TBC1D1: variants seen among roughly 807,000 people sequenced by gnomAD.
TBC1D1 encodes TBC1 domain family member 1, also known as TBC1 (tre-2/USP6, BUB2, cdc16) domain family, member 1.
Under a neutral mutation model 125.6 loss-of-function variants are expected in TBC1D1, and 89 were observed. The ratio of observed to expected loss-of-function variants is 0.71; its 90% CI spans 0.60 to 0.85. The LOEUF (loss-of-function observed/expected upper bound fraction) is 0.85. TBC1D1 is among the 40% of genes least tolerant of loss of function. The pLI is 0.00. For synonymous variants in TBC1D1, 565 were observed against 564.1 expected, an observed-to-expected ratio of 1.00 and a Z score of -0.02; for missense variants, 1,377 against 1,469.2, an observed-to-expected ratio of 0.94 and a Z score of 1.03.
intron 17 of TBC1D1, among the ~76,000 whole-genome samples, chr4:38,121,661 C>T (rs573536714): frequency 1.4e-3 from 213 of 152,274 alleles, no homozygotes; most frequent in Non-Finnish European, 2.7e-3. Context: ...AAATGCAGGA[C>T]ATTTGCTCAC....
intron 2 of TBC1D1, among the ~76,000 whole-genome samples, chr4:37,915,445 G>A (rs901022673): frequency 3.3e-5 from 5 of 152,270 alleles, no homozygotes; most frequent in East Asian, 1.9e-4. Context: ...TCTGTGAGCC[G>A]GGAGAACCAA....
At chr4:38,126,101 A>T (rs542239625) in intron 18 of TBC1D1, among the ~76,000 whole-genome samples, 1 of 152,334 alleles carries the variant, frequency 6.6e-6, no homozygotes, top group East Asian at 1.9e-4. Context: ...ACACCTACAC[A>T]TGTTGTTCCT....
intron 2 of TBC1D1, among the ~76,000 whole-genome samples, chr4:37,910,129 T>C (rs939168936): frequency 2.0e-5 from 3 of 152,184 alleles, no homozygotes; most frequent in African/African-American, 7.2e-5. Context: ...GTTTTACACA[T>C]ATGACTTTAT....
intron 15 of TBC1D1, among the ~76,000 whole-genome samples, chr4:38,112,791 G>T (rs644418): frequency 5.3e-5 from 8 of 152,032 alleles, no homozygotes; most frequent in African/African-American, 1.2e-4. Flanking sequence ...GAGCAGAACT[G>T]GAGGCCAGTG....
In TBC1D1 at chr4:38,107,601, T is replaced by TTTTTG. The variant is rs61499918; in HGVS notation, c.2557+4444_2557+4445insTTTTG. Among the ~76,000 whole-genome samples the TTTTTG allele has an allele frequency of 1.8e-3, 238 of 131,724 alleles. 1 individual carries two copies. The highest frequency in any genetic ancestry group is 0.014 in the East Asian group (43 of 2,998). 86.4% of individuals were successfully genotyped at this position (131,724 alleles called of 152,430 possible). A position where few individuals can be genotyped will look rare whatever the true frequency, so the allele number is the denominator to read the frequency against. ...GGTTTTTTTTTTTTTTTTTTTTTTT[T>TTTTTG]GGCAATGTGTTTTCCTCCAAAGAGT... On this transcript the variant is annotated intron_variant, in intron 15 of 19. Transcript: ENST00000261439.
intron 12 of TBC1D1, among the ~76,000 whole-genome samples, chr4:38,089,551 G>A (rs1560767615): frequency 6.6e-6 from 1 of 152,302 alleles, no homozygotes; most frequent in East Asian, 1.9e-4. Flanking sequence ...TTAGAGTTTT[G>A]TGAGTGTAAA....
At chr4:38,120,665 G>A (rs975376910) in intron 17 of TBC1D1, among the ~76,000 whole-genome samples, 1 of 152,200 alleles carries the variant, frequency 6.6e-6, no homozygotes, top group African/African-American at 2.4e-5. Flanking sequence ...TGCCAGTGAT[G>A]TGTGCGCCTT....
At chr4:37,980,158 T>C (rs1157535205) in intron 2 of TBC1D1, among the ~76,000 whole-genome samples, 1 of 152,176 alleles carries the variant, frequency 6.6e-6, no homozygotes, top group Non-Finnish European at 1.5e-5. Flanking sequence ...TTTCATGATG[T>C]AGGAATAAAG....
chr4:37,902,018 G>A lies in TBC1D1; in HGVS notation c.-78G>A, dbSNP rs1423058430. 4 of 1,409,058 alleles carry A rather than the reference G, an allele frequency of 2.8e-6. No individual in the cohort carries two copies. The highest frequency in any genetic ancestry group is 2.9e-5 in the African/African-American group (2 of 69,250). 87.3% of individuals were successfully genotyped at this position (1,409,058 alleles called of 1,614,324 possible). On this transcript the variant is annotated 5_prime_UTR_variant, in exon 2 of 20. It adds an upstream start codon to the 5' untranslated region. Coordinates refer to ENST00000261439, the MANE Select transcript of TBC1D1 (RefSeq NM_015173.4). ...TCTCCCCCAGGTTTCTGCATATGAAGTGTGTAAAATAGATTGCTTGATCCA... is the reference window on the plus strand; with the variant it reads ...TCTCCCCCAGGTTTCTGCATATGAAATGTGTAAAATAGATTGCTTGATCCA...
intron 10 of TBC1D1, among the ~76,000 whole-genome samples, chr4:38,048,541 C>CT (rs545432990): frequency 0.039 from 5,096 of 131,774 alleles, 165 homozygotes; most frequent in East Asian, 0.12. Context: ...AAACACATTT[C>CT]TTTTTTTTTT....
chr4:38,011,747 A>G (rs1195773386), intron 2 of TBC1D1, among the ~76,000 whole-genome samples: 2 of 152,238 alleles, frequency 1.3e-5, no homozygotes, highest in African/African-American at 4.8e-5. Flanking sequence ...GTCTTTGACT[A>G]AAGTGTGTCT....
intron 2 of TBC1D1, among the ~76,000 whole-genome samples, chr4:37,987,326 CTG>C (rs1267534793): frequency 8.0e-5 from 12 of 150,364 alleles, no homozygotes; most frequent in Admixed American, 4.6e-4. Flanking sequence ...TATGAAGAAA[CTG>C]AAATTCAGAA....
At chr4:38,046,395 C>T (rs1749483328) in intron 10 of TBC1D1, among the ~76,000 whole-genome samples, 1 of 151,174 alleles carries the variant, frequency 6.6e-6, no homozygotes, top group African/African-American at 2.4e-5. Flanking sequence ...AGTAGATTTT[C>T]CTATTAAAAA....
At chr4:38,131,827 C>T (rs1318529430) in intron 18 of TBC1D1, among the ~76,000 whole-genome samples, 2 of 152,172 alleles carry the variant, frequency 1.3e-5, no homozygotes, top group Non-Finnish European at 2.9e-5. Flanking sequence ...CCCTCTTACT[C>T]CCCTCGCACA....
intron 2 of TBC1D1, chr4:38,006,679 C>T: frequency 3.7e-6 from 1 of 268,828 alleles, no homozygotes; most frequent in Non-Finnish European, 7.3e-6. Context: ...TGGGGTTTCA[C>T]CATGTTAGCC....
intron 12 of TBC1D1, among the ~76,000 whole-genome samples, chr4:38,082,345 C>T (rs1756718450): frequency 6.6e-6 from 1 of 152,124 alleles, no homozygotes; most frequent in Non-Finnish European, 1.5e-5. Context: ...CCATGGTGGG[C>T]TTTTCCACCC....
chr4:38,065,644 CTTT>C (rs11447003), intron 12 of TBC1D1, among the ~76,000 whole-genome samples: 2 of 119,654 alleles, frequency 1.7e-5, no homozygotes, highest in Non-Finnish European at 1.7e-5. Context: ...GTATTACCGC[CTTT>C]TTTTTTTTTT....
intron 15 of TBC1D1, among the ~76,000 whole-genome samples, chr4:38,115,104 T>TC (rs1456234671): frequency 1.4e-5 from 1 of 69,982 alleles, no homozygotes; most frequent in Non-Finnish European, 3.3e-5. Context: ...TTTTCTTTTT[T>TC]TTTTTTTTTT....
chr4:38,087,961 G>A (rs1275722404), intron 12 of TBC1D1, among the ~76,000 whole-genome samples: 2 of 149,078 alleles, frequency 1.3e-5, no homozygotes, highest in African/African-American at 5.0e-5. Context: ...TGACGCACAC[G>A]AGATTGTGAG....
Sources: allele counts gnomAD v4.1 joint callset (sites outside exome capture counted in the v4.1 genomes callset), GRCh38; gene constraint gnomAD v4.1.1; transcripts MANE v1.5; gene names NCBI Gene and HGNC (gene_info 2026-07-23, HGNC 2026-07-21).